Variants in ATAD2B observed in about 807,000 individuals in gnomAD.
The protein encoded by ATAD2B is ATPase family AAA domain containing 2B.
In ATAD2B, 40 loss-of-function variants were observed where a neutral mutation model predicts 167.6. That is an observed-to-expected ratio of 0.24 (90% CI 0.19 to 0.31). The LOEUF (loss-of-function observed/expected upper bound fraction) is 0.31. Among genes scored for constraint, ATAD2B ranks in the 10% least tolerant of loss-of-function variants. ATAD2B has a pLI of 1.00. For synonymous variants in ATAD2B, 579 were observed against 596.5 expected (o/e 0.97, Z 0.43); for missense variants, 1,242 against 1,757.2 (o/e 0.71, Z 5.24).
intron 12 of ATAD2B, among the ~76,000 whole-genome samples, chr2:23,862,377 A>G (rs1384204877): frequency 6.6e-6 from 1 of 150,726 alleles, no homozygotes; most frequent in Non-Finnish European, 1.5e-5. Flanking sequence ...TCAAACAATC[A>G]AAAGTGAATT....
intron 22 of ATAD2B, among the ~76,000 whole-genome samples, chr2:23,775,927 C>G (rs1679038712): frequency 6.6e-6 from 1 of 150,722 alleles, no homozygotes; most frequent in African/African-American, 2.4e-5. Context: ...ACCATCCTGG[C>G]CAACATGGTG....
chr2:23,907,854 T>G (rs1466885034), intron 1 of ATAD2B, among the ~76,000 whole-genome samples: 1 of 152,128 alleles, frequency 6.6e-6, no homozygotes, highest in East Asian at 1.9e-4. Flanking sequence ...AATTATCTGA[T>G]CTTTGACAAA....
the ATAD2B span, chr2:23,706,529 C>A: frequency 6.5e-7 from 1 of 1,536,078 alleles, no homozygotes; most frequent in Non-Finnish European, 8.7e-7. Context: ...GTATTGTCAG[C>A]AGTGAAGGGC....
At chr2:23,681,900 A>G in the ATAD2B span, among the ~76,000 whole-genome samples, 2 of 152,150 alleles carry the variant, frequency 1.3e-5, no homozygotes, top group Non-Finnish European at 2.9e-5. This position sits in a 1 kb window ranked among gnomAD's most constrained non-coding sequence, Gnocchi z 4.2. Flanking sequence ...TGGCCCTGCA[A>G]CTGGCCCTGT....
chr2:23,818,181 G>A (rs2149603385), intron 17 of ATAD2B, among the ~76,000 whole-genome samples: 1 of 86,344 alleles, frequency 1.2e-5, no homozygotes, highest in East Asian at 3.8e-4. Flanking sequence ...GAGGGAGAGG[G>A]AGAGACGGAG....
intron 10 of ATAD2B, among the ~76,000 whole-genome samples, chr2:23,866,922 C>T (rs1695223061): frequency 6.6e-6 from 1 of 152,130 alleles, no homozygotes; most frequent in Admixed American, 6.5e-5. Context: ...ATACTACTAA[C>T]AATGAGAAAG....
the ATAD2B span, chr2:23,693,657 A>G: frequency 1.0e-6 from 1 of 988,584 alleles, no homozygotes; most frequent in Non-Finnish European, 1.5e-6. Flanking sequence ...AGAGAGGTGA[A>G]GGGCGGGCAG....
At chr2:23,918,413 C>CA (rs952625134) in intron 1 of ATAD2B, among the ~76,000 whole-genome samples, 69 of 151,030 alleles carry the variant, frequency 4.6e-4, no homozygotes, top group Non-Finnish European at 8.3e-4. Flanking sequence ...TATGTACCCA[C>CA]AAAAAAAATT....
intron 13 of ATAD2B, among the ~76,000 whole-genome samples, chr2:23,850,270 AAATT>A (rs1692362537): frequency 6.6e-6 from 1 of 152,212 alleles, no homozygotes; most frequent in Non-Finnish European, 1.5e-5. Flanking sequence ...ATACACATCT[AAATT>A]AAATACACAA....
intron 12 of ATAD2B, 23 bp from the exon 13 acceptor site, chr2:23,857,526 T>C (rs1232234519): frequency 3.7e-6 from 4 of 1,073,350 alleles, no homozygotes; most frequent in African/African-American, 3.4e-5. Flanking sequence ...AAACAAATAA[T>C]ATTTATTGTA....
chr2:23,798,503 C>CAA (rs199838286), intron 18 of ATAD2B, among the ~76,000 whole-genome samples, 180 bp from the exon 19 acceptor site: 1 of 133,712 alleles, frequency 7.5e-6, no homozygotes, highest in Non-Finnish European at 1.6e-5. Flanking sequence ...CTTGCCCCAC[C>CAA]AAAAAAAAAA....
intron 24 of ATAD2B, among the ~76,000 whole-genome samples, chr2:23,759,035 A>T (rs1053875534): frequency 1.3e-5 from 2 of 152,202 alleles, no homozygotes; most frequent in Admixed American, 6.5e-5. Context: ...TAAATAAACA[A>T]AAAGTTAACT....
At chr2:23,887,313 G>A (rs1208741643) in intron 4 of ATAD2B, among the ~76,000 whole-genome samples, 1 of 152,030 alleles carries the variant, frequency 6.6e-6, no homozygotes, top group Non-Finnish European at 1.5e-5. Context: ...TCCCACTTTA[G>A]CCTCCTGAGC....
At chr2:23,867,458 T>A (rs1001330468) in intron 10 of ATAD2B, among the ~76,000 whole-genome samples, 2 of 152,190 alleles carry the variant, frequency 1.3e-5, no homozygotes, top group Non-Finnish European at 2.9e-5. Flanking sequence ...TACAGCAACA[T>A]CCAGTCTCCC....
intron 1 of ATAD2B, chr2:23,901,142 T>G (rs1342740823): frequency 6.2e-6 from 1 of 162,264 alleles, no homozygotes; most frequent in Non-Finnish European, 1.4e-5. Flanking sequence ...TCTGCCCTGG[T>G]TGCATAAGTT....
At chr2:23,756,405 T>A (rs568190326) in intron 25 of ATAD2B, among the ~76,000 whole-genome samples, 71 of 151,646 alleles carry the variant, frequency 4.7e-4, no homozygotes, top group African/African-American at 9.4e-4. Context: ...AAAAAAAAAA[T>A]TTTCCCACAT....
chr2:23,732,515 A>C, the ATAD2B span, among the ~76,000 whole-genome samples: 4,322 of 152,336 alleles, frequency 0.028, 86 homozygotes, highest in South Asian at 0.077. Context: ...AGTAGTGGTT[A>C]CATCTTATAA....
intron 1 of ATAD2B, among the ~76,000 whole-genome samples, chr2:23,911,178 A>C (rs970408341): frequency 7.9e-5 from 12 of 151,200 alleles, no homozygotes; most frequent in Non-Finnish European, 1.3e-4. Context: ...CCGAGATTGC[A>C]CCATTGCACT....
the ATAD2B span, among the ~76,000 whole-genome samples, chr2:23,730,660 C>A: frequency 0.63 from 55,740 of 88,496 alleles, 16,138 homozygotes; most frequent in East Asian, 0.81. Flanking sequence ...AGCAAGACTC[C>A]GTTTCAAAAA....
Sources: gnomAD v4.1 joint callset for allele counts (sites outside exome capture counted in the v4.1 genomes callset) on GRCh38, gnomAD v4.1.1 for gene constraint, Gnocchi (gnomAD v3.1) non-coding constraint, MANE v1.5 for transcripts, NCBI Gene and HGNC (gene_info 2026-07-23, HGNC 2026-07-21) for gene names.